MICU3: variants seen among roughly 807,000 people sequenced by gnomAD.
MICU3 encodes calcium uptake protein 3, mitochondrial.
A neutral mutation model predicts 66.5 loss-of-function variants in MICU3; 62 were observed. The ratio of observed to expected loss-of-function variants is 0.93; its 90% CI spans 0.76 to 1.15. The LOEUF (loss-of-function observed/expected upper bound fraction) is 1.15, where lower values mean the gene tolerates loss of function less well. Among genes scored for constraint, MICU3 ranks in the 50% most tolerant of loss-of-function variants. MICU3 has a pLI of 0.00. For missense variants in MICU3, 779 were observed against 664.4 expected (o/e 1.17, Z -1.90); for synonymous variants, 308 against 240.7 (o/e 1.28, Z -2.59).
chr8:17,085,660 A>G (rs1030709523), intron 6 of MICU3, among the ~76,000 whole-genome samples: 3 of 151,558 alleles, frequency 2.0e-5, no homozygotes, highest in African/African-American at 4.9e-5. Context: ...TAGGCACACA[A>G]CTCCTTCCAT....
chr8:17,127,180 T>C (rs1014927293), downstream of MICU3, among the ~76,000 whole-genome samples: 1 of 152,200 alleles, frequency 6.6e-6, no homozygotes, highest in Non-Finnish European at 1.5e-5. Context: ...ATATTTAAGC[T>C]GAAAAATCTA....
At chr8:17,097,542 A>T (rs1281721809) in intron 8 of MICU3, among the ~76,000 whole-genome samples, 1 of 151,718 alleles carries the variant, frequency 6.6e-6, no homozygotes, top group Non-Finnish European at 1.5e-5. Flanking sequence ...TCCTAGATGC[A>T]TATAATTTTA....
intron 1 of MICU3, among the ~76,000 whole-genome samples, chr8:17,047,198 A>T (rs1273198812): frequency 1.3e-5 from 2 of 152,226 alleles, no homozygotes; most frequent in African/African-American, 4.8e-5. Context: ...AAAGAATCAA[A>T]TAGAATTTCT....
chr8:17,133,737 C>T, the MICU3 span, among the ~76,000 whole-genome samples: 1 of 152,116 alleles, frequency 6.6e-6, no homozygotes, highest in South Asian at 2.1e-4. Context: ...ACTTATCCAG[C>T]ACTATTTATG....
At position 17,027,276 on chromosome 8, in the gene MICU3, C is replaced by T. The variant is rs758636723; in HGVS notation, c.-4C>T. 4 of 1,226,048 alleles carry T rather than the reference C, an allele frequency of 3.3e-6. No homozygotes were observed. The highest frequency in any genetic ancestry group is 1.8e-5 in the African/African-American group (1 of 56,096). 75.9% of individuals were successfully genotyped at this position (1,226,048 alleles called of 1,614,324 possible). A position where few individuals can be genotyped will look rare whatever the true frequency, so the allele number is the denominator to read the frequency against. ...TCCCAGCTCTGGTGTGGGCGGCCTCCGCTATGGCTGCGCTGCGAAGGCTCT... is the reference window on the plus strand; with the variant it reads ...TCCCAGCTCTGGTGTGGGCGGCCTCTGCTATGGCTGCGCTGCGAAGGCTCT... On this transcript the variant is annotated 5_prime_UTR_variant, in exon 1 of 15. Transcript: ENST00000318063.
intron 1 of MICU3, among the ~76,000 whole-genome samples, chr8:17,053,909 A>G (rs17686698): frequency 0.057 from 8,614 of 152,262 alleles, 445 homozygotes; most frequent in East Asian, 0.25. Flanking sequence ...AGAAGGAGTA[A>G]CATGAAATGG....
chr8:17,127,462 G>A (rs1803434011), downstream of MICU3, among the ~76,000 whole-genome samples: 1 of 152,182 alleles, frequency 6.6e-6, no homozygotes, highest in African/African-American at 2.4e-5. Context: ...GGATTTGCTT[G>A]TTGTTCAGCC....
downstream of MICU3, among the ~76,000 whole-genome samples, chr8:17,123,767 G>A (rs534990675): frequency 3.8e-4 from 58 of 151,992 alleles, no homozygotes; most frequent in Non-Finnish European, 7.2e-4. Context: ...GAAAAAAGTA[G>A]GAGGTCCACT....
chr8:17,046,118 G>A (rs1226213935), intron 1 of MICU3, among the ~76,000 whole-genome samples: 1 of 152,226 alleles, frequency 6.6e-6, no homozygotes, highest in Non-Finnish European at 1.5e-5. Flanking sequence ...TGAATCCAAA[G>A]AGGGATCATG....
intron 1 of MICU3, among the ~76,000 whole-genome samples, chr8:17,033,505 C>A (rs893011813): frequency 6.6e-6 from 1 of 152,006 alleles, no homozygotes; most frequent in Non-Finnish European, 1.5e-5. Flanking sequence ...GCGTGATCTC[C>A]ACTCACTGCA....
At chr8:17,063,555 A>G (rs918425851) in intron 1 of MICU3, among the ~76,000 whole-genome samples, 2 of 152,158 alleles carry the variant, frequency 1.3e-5, no homozygotes, top group Non-Finnish European at 2.9e-5. Flanking sequence ...TGGCCACTAT[A>G]CTGTAGTGAT....
the MICU3 span, among the ~76,000 whole-genome samples, chr8:17,134,633 A>G: frequency 1.3e-5 from 2 of 151,980 alleles, no homozygotes; most frequent in Non-Finnish European, 2.9e-5. Context: ...TTTAGTAGAG[A>G]CGGGGTTTCA....
intron 1 of MICU3, among the ~76,000 whole-genome samples, chr8:17,058,179 G>T (rs1034056974): frequency 6.6e-6 from 1 of 152,156 alleles, no homozygotes; most frequent in Non-Finnish European, 1.5e-5. Context: ...AATTTGTGAT[G>T]CCAAAAGTAC....
downstream of MICU3, among the ~76,000 whole-genome samples, chr8:17,125,753 C>T (rs934301157): frequency 6.6e-6 from 1 of 152,032 alleles, no homozygotes; most frequent in African/African-American, 2.4e-5. Flanking sequence ...TCTCTGGTGG[C>T]CAGGCACGAT....
chr8:17,137,088 G>T, the MICU3 span, among the ~76,000 whole-genome samples: 18 of 151,992 alleles, frequency 1.2e-4, 1 homozygote, highest in Admixed American at 6.6e-4. Context: ...CTCCCAAAGT[G>T]CTGGGATTAC....
chr8:17,027,577 T>C lies in MICU3; in HGVS notation c.298T>C (p.Ser100Pro). The C allele has an allele frequency of 7.8e-7, 1 of 1,288,252 alleles. No homozygotes were observed. The highest frequency in any genetic ancestry group is 9.8e-7 in the Non-Finnish European group (1 of 1,021,282). 79.8% of individuals were successfully genotyped at this position (1,288,252 alleles called of 1,614,324 possible). A position where few individuals can be genotyped will look rare whatever the true frequency, so the allele number is the denominator to read the frequency against. The change falls in exon 1 of 15, where the codon TCA becomes CCA. Residue 100 changes from serine to proline, a missense_variant. Ser to Pro is a moderately conservative substitution (Grantham distance 74). Coordinates refer to ENST00000318063, the MANE Select transcript of MICU3 (RefSeq NM_181723.3). ...CGGCTCGCCGGCGACCGGGCGACCC[T>C]CAAAGAGCGCGGCCACGGAGCCCGA... is the stretch of plus-strand genomic sequence containing the variant. ...RAGSPATGRP[S>P]KSAATEPEDP...
intron 8 of MICU3, among the ~76,000 whole-genome samples, chr8:17,093,932 A>T (rs1180806373): frequency 6.6e-6 from 1 of 152,020 alleles, no homozygotes; most frequent in Non-Finnish European, 1.5e-5. Flanking sequence ...ATAAAATTAT[A>T]ACCACCATAG....
intron 11 of MICU3, among the ~76,000 whole-genome samples, chr8:17,108,248 A>G (rs1801903455): frequency 6.6e-6 from 1 of 152,148 alleles, no homozygotes; most frequent in Non-Finnish European, 1.5e-5. Flanking sequence ...TCAATGAAAA[A>G]TTAAGCAGGC....
intron 13 of MICU3, among the ~76,000 whole-genome samples, chr8:17,118,095 A>T (rs574210933): frequency 6.6e-6 from 1 of 152,214 alleles, no homozygotes; most frequent in Non-Finnish European, 1.5e-5. Context: ...ACTTGAAACA[A>T]GTTACATTGA....
Sources: allele counts gnomAD v4.1 joint callset (sites outside exome capture counted in the v4.1 genomes callset), GRCh38; gene constraint gnomAD v4.1.1; transcripts MANE v1.5; gene names NCBI Gene and HGNC (gene_info 2026-07-23, HGNC 2026-07-21).